RIN2: variants seen among roughly 807,000 people sequenced by gnomAD.
The protein encoded by RIN2 is RAB5 interacting protein 2.
RIN2 carries 36 observed loss-of-function variants against 78.0 expected under a neutral mutation model. The observed-to-expected ratio is 0.46, with a 90% CI of 0.35 to 0.61. RIN2 has a LOEUF of 0.61. RIN2 is among the 20% of genes least tolerant of loss of function. RIN2 has a pLI of 0.00. For missense variants in RIN2, 1,087 were observed against 1,159.7 expected (o/e 0.94, Z 0.91); for synonymous variants, 466 against 466.8 (o/e 1.00, Z 0.02).
chr20:19,851,697 G>A (rs568480189), intron 2 of RIN2, among the ~76,000 whole-genome samples: 26 of 152,190 alleles, frequency 1.7e-4, no homozygotes, highest in African/African-American at 6.0e-4. Context: ...ACTCCAACCT[G>A]GGCAATAGAA....
chr20:19,816,618 C>T (rs2035775856), intron 2 of RIN2, among the ~76,000 whole-genome samples: 1 of 152,164 alleles, frequency 6.6e-6, no homozygotes, highest in East Asian at 1.9e-4. Flanking sequence ...GGTGGAAATG[C>T]AAACAGAAAA....
At chr20:19,903,380 C>G (rs974710628) in intron 3 of RIN2, among the ~76,000 whole-genome samples, 4 of 152,226 alleles carry the variant, frequency 2.6e-5, no homozygotes, top group Admixed American at 1.3e-4. Context: ...GACCTGTTCC[C>G]TAGTGGCCTT....
intron 3 of RIN2, among the ~76,000 whole-genome samples, chr20:19,926,782 T>C (rs1244752951): frequency 6.6e-6 from 1 of 152,192 alleles, no homozygotes; most frequent in Admixed American, 6.5e-5. Flanking sequence ...CAGCAACACA[T>C]CCCTTTTCAA....
At chr20:19,925,127 G>A (rs1187969009) in intron 3 of RIN2, among the ~76,000 whole-genome samples, 11 of 150,480 alleles carry the variant, frequency 7.3e-5, no homozygotes, top group Non-Finnish European at 1.0e-4. Flanking sequence ...TGTCCTCTGG[G>A]CACATTCCTT....
chr20:19,802,415 G>T (rs1222419233), intron 2 of RIN2, among the ~76,000 whole-genome samples: 3 of 151,392 alleles, frequency 2.0e-5, no homozygotes, highest in Non-Finnish European at 4.4e-5. Context: ...CAGGAGGATT[G>T]CTTGAGGACA....
intron 2 of RIN2, chr20:19,871,911 A>G (rs1238342594): frequency 1.3e-5 from 2 of 152,184 alleles, no homozygotes; most frequent in Middle Eastern, 3.2e-3. Flanking sequence ...CACTGGTTCA[A>G]TAATGGAGTT....
At chr20:19,970,496 A>G (rs1405046564) in intron 7 of RIN2, among the ~76,000 whole-genome samples, 1 of 152,218 alleles carries the variant, frequency 6.6e-6, no homozygotes, top group African/African-American at 2.4e-5. Flanking sequence ...GCAGTGAATT[A>G]GTACATAATG....
Position 19,956,795 on chromosome 20 carries a change from C to T in RIN2, c.339C>T (p.Ala113=). 1 of 1,584,884 alleles carries T rather than the reference C, an allele frequency of 6.3e-7. No homozygotes were observed. ...AGGAGGCAGCAGAGGTCCTGCAGGC[C>T]CAGCCTCCGGGGGTAAGACTCAGAA... ...SEEEAAEVLQ[A]QPPGIFLVHK... is the part of the protein sequence containing the mutation. Residue 113 remains alanine, a synonymous_variant, in exon 5 of 13, where the codon GCC becomes GCT. Transcript: ENST00000255006.
chr20:19,826,697 T>TTTTGG (rs1385051127), intron 2 of RIN2, among the ~76,000 whole-genome samples: 1 of 152,164 alleles, frequency 6.6e-6, no homozygotes, highest in Non-Finnish European at 1.5e-5. Context: ...CTTATCCTGG[T>TTTTGG]TTAACTTCTT....
intron 2 of RIN2, among the ~76,000 whole-genome samples, chr20:19,850,298 G>A (rs2036919260): frequency 6.6e-6 from 1 of 152,070 alleles, no homozygotes; most frequent in South Asian, 2.1e-4. Flanking sequence ...GAGGACACGG[G>A]GGAGGGGTGG....
Position 19,838,513 on chromosome 20 carries a change from T to C in RIN2, c.-37+38766T>C, listed in dbSNP as rs185267694. ...TTCTGTTTGTCCATTCATTAATTTA[T>C]AGACATTTGGATTGGGTCCACTTTT... On this transcript the variant is annotated intron_variant, in intron 2 of 12. Transcript: ENST00000255006. Among the ~76,000 whole-genome samples, 3 of 152,330 alleles carry C rather than the reference T, an allele frequency of 2.0e-5. No homozygotes were observed. In the East Asian group the frequency reaches 5.8e-4, roughly 29 times the overall value.
At chr20:19,797,370 T>C (rs141071955) in intron 1 of RIN2, among the ~76,000 whole-genome samples, 11 of 152,350 alleles carry the variant, frequency 7.2e-5, no homozygotes, top group African/African-American at 2.4e-4. Flanking sequence ...TTATATTCAT[T>C]TACATTCTTG....
At chr20:19,800,199 A>G (rs1035114697) in intron 2 of RIN2, among the ~76,000 whole-genome samples, 1 of 152,214 alleles carries the variant, frequency 6.6e-6, no homozygotes, top group African/African-American at 2.4e-5. Flanking sequence ...CTCTTTCTTC[A>G]GTTCCCACCA....
intron 1 of RIN2, among the ~76,000 whole-genome samples, chr20:19,768,976 CAA>C (rs1371693511): frequency 7.0e-6 from 1 of 143,002 alleles, no homozygotes; most frequent in Non-Finnish European, 1.5e-5. Context: ...GGCTGGAGTA[CAA>C]AGTCGCACTC....
chr20:19,889,691 G>C, intron 3 of RIN2, 33 bp downstream of exon 3: 1 of 1,430,374 alleles, frequency 7.0e-7, no homozygotes. Context: ...ATCTCAACTC[G>C]TCGGCTTGCT....
chr20:19,846,866 A>G (rs959986039), intron 2 of RIN2, among the ~76,000 whole-genome samples: 2 of 152,180 alleles, frequency 1.3e-5, no homozygotes, highest in Admixed American at 1.3e-4. Flanking sequence ...TGTCATGAAT[A>G]GAGATAGCAC....
rs2042817969 is a variant in RIN2, at chr20:19,992,227, G to A, written c.2128G>A (p.Asp710Asn). Residue 710 changes from aspartate to asparagine, a missense_variant, in exon 11 of 13, where the codon GAC becomes AAC. By Grantham distance (23) the Asp-to-Asn change is conservative. Around this residue, in one of 8 missense-constraint regions of RIN2, gnomAD observed 45 missense variants for 88.1 expected, o/e 0.51. Transcript: ENST00000255006. ...CCTGACCTATGTCATAGCCCAGTGT[G>A]ACATGCTTGAATTGGACACTGAAAT... ...PVLTYVIAQC[D>N]MLELDTEIEY... is the part of the protein sequence containing the mutation. 2 of 1,608,474 alleles carry A rather than the reference G, an allele frequency of 1.2e-6. No individual in the cohort carries two copies. Among genetic ancestry groups the A allele is most frequent in the East Asian group, 2.2e-5 (1 of 44,770 alleles).
rs947176011 is a variant in RIN2 at position 19,824,052 on chromosome 20, T to C, written c.-37+24305T>C. 4 of 692,012 alleles carry C rather than the reference T, an allele frequency of 5.8e-6. No individual in the cohort carries two copies. In the Admixed American group the frequency reaches 1.0e-4, roughly 18 times the overall value. 42.9% of individuals were successfully genotyped at this position (692,012 alleles called of 1,614,324 possible). A position where few individuals can be genotyped will look rare whatever the true frequency, so the allele number is the denominator to read the frequency against. ...GAGAGAGCTGCTCTGCCTGCTTCTA[T>C]GGCCCCCCAGGGACTGGTATGCACA... is the stretch of plus-strand genomic sequence containing the variant. On this transcript the variant is annotated intron_variant, in intron 2 of 12. Coordinates refer to ENST00000255006, the MANE Select transcript of RIN2 (RefSeq NM_018993.4).
In RIN2 at chr20:19,823,401, CT is replaced by C. The variant is rs1193332670; in HGVS notation, c.-37+23661del. The stretch of plus-strand genomic sequence containing the variant: ...CTGCTCTGCCTGCTTTTTTTTTTTT[CT>C]TTTTTTGTCAAATGATCCTTTATTG... On this transcript the variant is annotated intron_variant, in intron 2 of 12. Transcript: ENST00000255006. 3 of 580,010 alleles carry C rather than the reference CT, an allele frequency of 5.2e-6. No individual in the cohort carries two copies. The South Asian group carries it at 6.5e-5, about 13-fold the overall frequency. The allele number at this position is 580,010 out of a possible 1,614,324, so 35.9% of individuals were successfully genotyped here.
Sources: gnomAD v4.1 joint callset for allele counts (sites outside exome capture counted in the v4.1 genomes callset) on GRCh38, gnomAD v4.1.1 for gene constraint, gnomAD v4.1.1 regional missense constraint, MANE v1.5 for transcripts, NCBI Gene and HGNC (gene_info 2026-07-23, HGNC 2026-07-21) for gene names.